Variants in DENND1B observed in about 807,000 individuals in gnomAD.
The protein encoded by DENND1B is DENN domain-containing protein 1B.
DENND1B carries 59 observed loss-of-function variants against 90.1 expected under a neutral mutation model. The ratio of observed to expected loss-of-function variants is 0.65; its 90% confidence interval spans 0.53 to 0.81. The LOEUF (loss-of-function observed/expected upper bound fraction) is 0.81. DENND1B is among the 40% of genes least tolerant of loss of function. The probability of loss-of-function intolerance (pLI) is 0.00; values close to 1 mark genes in which losing one functional copy is unlikely to be tolerated. For missense variants in DENND1B, 862 were observed against 912.6 expected (o/e 0.94, Z 0.71); for synonymous variants, 337 against 324.6 (o/e 1.04, Z -0.41).
chr1:197,557,915 T>C (rs1295182441), intron 15 of DENND1B, among the ~76,000 whole-genome samples: 1 of 151,858 alleles, frequency 6.6e-6, no homozygotes, highest in African/African-American at 2.4e-5. Flanking sequence ...TAAAAAATCA[T>C]CTCTGTTGGA....
intron 2 of DENND1B, among the ~76,000 whole-genome samples, chr1:197,730,928 T>G (rs1662090031): frequency 6.6e-6 from 1 of 152,050 alleles, no homozygotes; most frequent in South Asian, 2.1e-4. Flanking sequence ...AGGCACACTA[T>G]CAAAAGAAAA....
intron 20 of DENND1B, among the ~76,000 whole-genome samples, chr1:197,518,011 A>G (rs1377990816): frequency 1.3e-5 from 2 of 151,784 alleles, no homozygotes; most frequent in African/African-American, 4.8e-5. Flanking sequence ...CTTGCTCACC[A>G]ATTAATTTAT....
intron 18 of DENND1B, chr1:197,545,623 G>T: frequency 7.8e-6 from 2 of 257,006 alleles, no homozygotes; most frequent in South Asian, 8.5e-5. Flanking sequence ...GTTGTTAAAT[G>T]AAATAATGAC....
chr1:197,641,560 T>C (rs1335069369), intron 10 of DENND1B, among the ~76,000 whole-genome samples: 1 of 152,138 alleles, frequency 6.6e-6, no homozygotes, highest in African/African-American at 2.4e-5. Context: ...AGTGAGCATA[T>C]CAAATTACAA....
chr1:197,725,330 C>T (rs932227557), intron 2 of DENND1B, among the ~76,000 whole-genome samples: 14 of 152,034 alleles, frequency 9.2e-5, no homozygotes, highest in African/African-American at 2.7e-4. Context: ...AACTTAAGAA[C>T]TGTGCAAACA....
At chr1:197,612,927 T>C (rs1677308095) in intron 11 of DENND1B, among the ~76,000 whole-genome samples, 1 of 150,766 alleles carries the variant, frequency 6.6e-6, no homozygotes, top group African/African-American at 2.4e-5. Flanking sequence ...AAACCTAAAA[T>C]ATTATCTAAC....
intron 15 of DENND1B, among the ~76,000 whole-genome samples, chr1:197,558,801 G>A (rs1271996316): frequency 6.6e-6 from 1 of 151,736 alleles, no homozygotes; most frequent in Non-Finnish European, 1.5e-5. Flanking sequence ...CACCTAATAC[G>A]ACACTGAGTC....
At chr1:197,665,388 A>C (rs1654841051) in intron 5 of DENND1B, among the ~76,000 whole-genome samples, 1 of 152,184 alleles carries the variant, frequency 6.6e-6, no homozygotes, top group Non-Finnish European at 1.5e-5. Flanking sequence ...TTAAAGCATT[A>C]TATACAAATG....
chr1:197,660,444 G>GA (rs1654298076), intron 5 of DENND1B, among the ~76,000 whole-genome samples: 1 of 151,850 alleles, frequency 6.6e-6, no homozygotes, highest in East Asian at 1.9e-4. Flanking sequence ...ATTCCATAAA[G>GA]AAAAAATAGA....
rs763779479 is a variant in DENND1B at position 197,767,935 on chromosome 1, T to A, written c.82+4933A>T. The stretch of plus-strand genomic sequence containing the variant: ...GCAATGGGAGGCAACACAGCAGTAG[T>A]TAAAATACAGACTCTGGACAGACTA... On this transcript the variant is annotated intron_variant, in intron 2 of 22. Coordinates refer to ENST00000620048, the MANE Select transcript of DENND1B (RefSeq NM_001195215.2). Among the ~76,000 whole-genome samples, 6 of 152,160 alleles carry A rather than the reference T, an allele frequency of 3.9e-5. No individual in the cohort carries two copies. The East Asian group carries it at 5.8e-4, about 15-fold the overall frequency.
At chr1:197,757,850 C>T (rs1654505218) in intron 2 of DENND1B, among the ~76,000 whole-genome samples, 1 of 152,168 alleles carries the variant, frequency 6.6e-6, no homozygotes, top group African/African-American at 2.4e-5. Flanking sequence ...CAACCAATTG[C>T]ACTATACCTC....
chr1:197,536,139 T>TGAGAGAGAGA (rs34670774), intron 20 of DENND1B, among the ~76,000 whole-genome samples: 2 of 121,986 alleles, frequency 1.6e-5, no homozygotes. Flanking sequence ...AGAGAGAGAT[T>TGAGAGAGAGA]GAGAGAGAGA....
At chr1:197,573,277 A>T (rs1673347599) in intron 15 of DENND1B, among the ~76,000 whole-genome samples, 1 of 151,608 alleles carries the variant, frequency 6.6e-6, no homozygotes, top group African/African-American at 2.4e-5. Context: ...GTGGGTATTT[A>T]GTGCTATAAA....
chr1:197,550,605 T>C (rs1451448452), intron 16 of DENND1B, among the ~76,000 whole-genome samples: 1 of 150,236 alleles, frequency 6.7e-6, no homozygotes, highest in African/African-American at 2.5e-5. Context: ...AGGTGGGAAT[T>C]GAACAATGAG....
intron 2 of DENND1B, among the ~76,000 whole-genome samples, chr1:197,754,140 T>C (rs1011698252): frequency 9.9e-5 from 15 of 152,042 alleles, no homozygotes; most frequent in Admixed American, 3.3e-4. Context: ...TTTGGATATA[T>C]GGAATTAAAT....
At chr1:197,728,281 C>G (rs928834966) in intron 2 of DENND1B, among the ~76,000 whole-genome samples, 21 of 152,238 alleles carry the variant, frequency 1.4e-4, no homozygotes, top group African/African-American at 5.1e-4. Context: ...TTTTCTCAAG[C>G]CTTTTAAAAA....
chr1:197,619,426 G>A (rs1048957614), intron 10 of DENND1B, among the ~76,000 whole-genome samples: 1 of 150,848 alleles, frequency 6.6e-6, no homozygotes, highest in East Asian at 2.0e-4. Context: ...TAACCTGATG[G>A]GCTAAAAGAG....
intron 11 of DENND1B, 77 bp from the exon 12 acceptor site, chr1:197,612,053 G>T (rs2125849269): frequency 8.5e-7 from 1 of 1,173,098 alleles, no homozygotes; most frequent in Non-Finnish European, 1.2e-6. Context: ...AATTCAAAAT[G>T]ATTAAAAATT....
chr1:197,657,722 A>G (rs192404139), intron 6 of DENND1B, among the ~76,000 whole-genome samples: 141 of 152,318 alleles, frequency 9.3e-4, no homozygotes, highest in African/African-American at 3.4e-3. Context: ...ATGCAGAATT[A>G]TCTTACTACC....
Sources: gnomAD v4.1 joint callset for allele counts (sites outside exome capture counted in the v4.1 genomes callset) on GRCh38, gnomAD v4.1.1 for gene constraint, MANE v1.5 for transcripts, NCBI Gene and HGNC (gene_info 2026-07-23, HGNC 2026-07-21) for gene names.